TCEA2: variants seen among roughly 807,000 people sequenced by gnomAD.
The protein encoded by TCEA2 is transcription elongation factor A2.
A neutral mutation model predicts 40.8 loss-of-function variants in TCEA2; 21 were observed. That is an observed-to-expected ratio of 0.51 (90% CI 0.36 to 0.74). The LOEUF is 0.74. Among genes scored for constraint, TCEA2 ranks in the 30% least tolerant of loss-of-function variants. TCEA2 has a pLI of 0.00. For missense variants in TCEA2, 326 were observed against 426.5 expected, an observed-to-expected ratio of 0.76 and a Z score of 2.08; for synonymous variants, 165 against 162.7, an observed-to-expected ratio of 1.01 and a Z score of -0.11.
At chr20:64,067,990 T>A in intron 3 of TCEA2, 57 bp from the exon 4 acceptor site, 1 of 1,369,220 alleles carries the variant, frequency 7.3e-7, no homozygotes, top group Non-Finnish European at 1.0e-6. Flanking sequence ...GGTGGTGGTC[T>A]GTGCCCCTCC....
Position 64,063,455 on chromosome 20 carries a change from C to A in TCEA2, c.72+71C>A, listed in dbSNP as rs948378724. 3 of 1,502,850 alleles carry A rather than the reference C, an allele frequency of 2.0e-6. No homozygotes were observed. In the Admixed American group the frequency reaches 5.9e-5, roughly 30 times the overall value. The allele number at this position is 1,502,850 out of a possible 1,614,324, so 93.1% of individuals were successfully genotyped here. A position where few individuals can be genotyped will look rare whatever the true frequency, so the allele number is the denominator to read the frequency against. The stretch of plus-strand genomic sequence containing the variant: ...AGACCCCGTCGAGCCCGCCGACCCC[C>A]GTTAGGGCCGGAAGACGACCTGAGG... On this transcript the variant is annotated intron_variant, in intron 1 of 9. Coordinates refer to ENST00000343484, the MANE Select transcript of TCEA2 (RefSeq NM_003195.6).
At chr20:64,057,830 C>T (rs2059493260) in intron 1 of TCEA2, among the ~76,000 whole-genome samples, 1 of 152,200 alleles carries the variant, frequency 6.6e-6, no homozygotes, top group South Asian at 2.1e-4. Context: ...TCACCTCGGC[C>T]ACTTCACAGT....
intron 3 of TCEA2, 54 bp from the exon 4 acceptor site, chr20:64,067,993 G>A (rs1315293047): frequency 2.1e-6 from 3 of 1,403,650 alleles, no homozygotes; most frequent in Non-Finnish European, 3.0e-6. Flanking sequence ...GGTGGTCTGT[G>A]CCCCTCCCTC....
At chr20:64,063,848 C>G (rs557824544) in intron 1 of TCEA2, 2 of 163,982 alleles carry the variant, frequency 1.2e-5, no homozygotes, top group Non-Finnish European at 2.7e-5. Flanking sequence ...CAGGCCGAGC[C>G]CCGCCCCCCA....
chr20:64,067,798 G>C (rs1355590478), intron 3 of TCEA2, among the ~76,000 whole-genome samples: 1 of 152,208 alleles, frequency 6.6e-6, no homozygotes, highest in Non-Finnish European at 1.5e-5. Flanking sequence ...GTGCTTGTAC[G>C]GGAAAGGGTT....
intron 3 of TCEA2, among the ~76,000 whole-genome samples, chr20:64,067,686 G>A (rs2059728313): frequency 6.6e-6 from 1 of 152,262 alleles, no homozygotes; most frequent in South Asian, 2.1e-4. Context: ...CTGGCTCTGG[G>A]CTTTCAGGAA....
chr20:64,063,604 GATC>G (rs1601581071), intron 1 of TCEA2: 1 of 598,640 alleles, frequency 1.7e-6, no homozygotes, highest in East Asian at 3.0e-5. Flanking sequence ...CAGAGGCCGC[GATC>G]AGGCCTGGAC....
At chr20:64,064,882 C>G (rs1043209991) in intron 1 of TCEA2, among the ~76,000 whole-genome samples, 1 of 139,814 alleles carries the variant, frequency 7.2e-6, no homozygotes, top group Non-Finnish European at 1.5e-5. Context: ...TGTTCCCCTT[C>G]TTAAAGGAGA....
upstream of TCEA2, among the ~76,000 whole-genome samples, chr20:64,061,783 C>T (rs2059570307): frequency 6.6e-6 from 1 of 152,124 alleles, no homozygotes; most frequent in African/African-American, 2.4e-5. Flanking sequence ...GGCTGGAGTG[C>T]AATGGTGCTA....
At chr20:64,062,409 C>T (rs1374034311), upstream of TCEA2, 3 of 152,254 alleles carry the variant, frequency 2.0e-5, no homozygotes, top group African/African-American at 4.8e-5. Flanking sequence ...TTGTCATGCT[C>T]CATCCCCTCT....
rs1356991988 is a variant in TCEA2 at position 64,058,034 on chromosome 20, C to G, written c.-84+383C>G. ...GGACCATCCCACCGGATTGCAGGTT[C>G]CCTGATCACCAGGATGGGCCTACAC... On this transcript the variant is annotated intron_variant, in intron 1 of 10. Coordinates refer to the TCEA2 transcript ENST00000361317. The surrounding 1 kb of genome is among the most constrained non-coding windows in gnomAD (Gnocchi z 6.7). 6.6e-6 allele frequency among the ~76,000 whole-genome samples: 1 copy of G among 152,212 alleles called. No individual in the cohort carries two copies. Among genetic ancestry groups the G allele is most frequent in the African/African-American group, 2.4e-5 (1 of 41,458 alleles).
chr20:64,071,707 C>T (rs185460210), intron 8 of TCEA2, among the ~76,000 whole-genome samples, 163 bp from the exon 9 acceptor site: 3 of 152,340 alleles, frequency 2.0e-5, no homozygotes, highest in South Asian at 4.1e-4. Context: ...CTGTCTCCCT[C>T]CCCCGGAGGC....
chr20:64,069,733 TG>T, intron 5 of TCEA2, 31 bp from the exon 6 acceptor site: 1 of 1,598,182 alleles, frequency 6.3e-7, no homozygotes. Context: ...GAGAAACCAG[TG>T]GGGGAAGCTA....
chr20:64,067,924 T>TGGGGGC (rs1210576220), intron 3 of TCEA2, 123 bp from the exon 4 acceptor site: 8 of 705,630 alleles, frequency 1.1e-5, no homozygotes, highest in South Asian at 2.2e-5. Flanking sequence ...GGTGAGGGGC[T>TGGGGGC]GGGGGCGGGG....
chr20:64,065,117 G>C (rs868390884), intron 1 of TCEA2, among the ~76,000 whole-genome samples: 1 of 152,128 alleles, frequency 6.6e-6, no homozygotes, highest in Non-Finnish European at 1.5e-5. Context: ...TCCCCTCGGG[G>C]ACCTGGGGGC....
intron 9 of TCEA2, 59 bp from the exon 10 acceptor site, chr20:64,072,113 T>C: frequency 1.2e-6 from 2 of 1,609,694 alleles, no homozygotes; most frequent in Admixed American, 3.4e-5. Flanking sequence ...TGTGCGGCCT[T>C]CCACTCTGGG....
chr20:64,070,327 C>T lies in TCEA2; in HGVS notation c.585C>T (p.Asn195=). The change falls in exon 7 of 10, where the codon AAC becomes AAT. Residue 195 remains asparagine (N), a synonymous_variant. Coordinates refer to ENST00000343484, the MANE Select transcript of TCEA2 (RefSeq NM_003195.6). Reference sequence around the variant, plus strand: ...ACCGTGTACGGAGTCGTATCTCCAACCTGAAGGATGCCAAGAACCCTGACC... The same window carrying T: ...ACCGTGTACGGAGTCGTATCTCCAATCTGAAGGATGCCAAGAACCCTGACC... ...YKNRVRSRIS[N]LKDAKNPDLR... is the part of the protein sequence containing the mutation. The T allele has an allele frequency of 1.9e-6, 3 of 1,614,198 alleles. No individual in the cohort carries two copies. The highest frequency in any genetic ancestry group is 2.2e-5 in the East Asian group (1 of 44,890).
intron 6 of TCEA2, 113 bp from the exon 7 acceptor site, chr20:64,070,147 G>A: frequency 6.7e-7 from 1 of 1,503,064 alleles, no homozygotes; most frequent in Non-Finnish European, 9.1e-7. Context: ...ACCGACCCCT[G>A]TGTGGCTGGG....
chr20:64,069,709 AG>A (rs1337678917), intron 5 of TCEA2, 55 bp from the exon 6 acceptor site: 1 of 1,582,938 alleles, frequency 6.3e-7, no homozygotes, highest in African/African-American at 1.3e-5. Context: ...TGCAGGCAGA[AG>A]GGGTGGCAGG....
Sources: allele counts gnomAD v4.1 joint callset (sites outside exome capture counted in the v4.1 genomes callset), GRCh38; gene constraint gnomAD v4.1.1; non-coding constraint Gnocchi (gnomAD v3.1); transcripts MANE v1.5; gene names NCBI Gene and HGNC (gene_info 2026-07-23, HGNC 2026-07-21).